Variants in WBP11 observed in about 807,000 individuals in gnomAD.
The protein encoded by WBP11 is WW domain binding protein 11, also known as WW domain-binding protein 11.
In WBP11, 12 loss-of-function variants were observed where a neutral mutation model predicts 66.7. The ratio of observed to expected loss-of-function variants is 0.18; its 90% CI spans 0.12 to 0.29. WBP11 has a LOEUF of 0.29. Among genes scored for constraint, WBP11 ranks in the 10% least tolerant of loss-of-function variants. WBP11 has a pLI of 1.00. For missense variants in WBP11, 555 were observed against 818.3 expected, an observed-to-expected ratio of 0.68 and a Z score of 3.93; for synonymous variants, 255 against 273.8, an observed-to-expected ratio of 0.93 and a Z score of 0.68.
rs1565673496 is a variant in WBP11 at position 14,794,678 on chromosome 12, G to A, written c.580C>T (p.Pro194Ser). ...PLLGHGVPRL[P>S]PGRKPPGPPP... ...GGGCCAGGAGGTTTTCTGCCAGGGG[G>A]CAAACGTGGAACACCATGTCCAAGA... is the stretch of plus-strand genomic sequence containing the variant. The change falls in exon 7 of 12, where the codon CCC (proline) becomes TCC (serine). Residue 194 changes from proline (P) to serine (S), a missense_variant. By Grantham distance (74) the Pro-to-Ser change is moderately conservative. Transcript: ENST00000261167. 4 of 1,610,646 alleles carry A rather than the reference G, an allele frequency of 2.5e-6. No homozygotes were observed. Among genetic ancestry groups the A allele is most frequent in the Non-Finnish European group, 3.4e-6 (4 of 1,178,166 alleles).
chr12:14,797,025 G>A (rs755868357), intron 4 of WBP11, 22 bp from the exon 5 acceptor site: 2 of 1,546,100 alleles, frequency 1.3e-6, no homozygotes, highest in Non-Finnish European at 8.7e-7. Flanking sequence ...AGTAGATTAT[G>A]GAATTAAATA....
At chr12:14,798,804 A>G (rs1949924168) in intron 4 of WBP11, among the ~76,000 whole-genome samples, 1 of 152,214 alleles carries the variant, frequency 6.6e-6, no homozygotes. Flanking sequence ...GCTATTTTAC[A>G]AAAGTGGCAA....
intron 8 of WBP11, 135 bp from the exon 9 acceptor site, chr12:14,791,405 C>T (rs1949820768): frequency 3.4e-6 from 2 of 584,242 alleles, no homozygotes; most frequent in Non-Finnish European, 3.0e-6. Context: ...GATAGCTATA[C>T]TAATGATACG....
At chr12:14,803,325 AGT>A (rs1565676509) in intron 1 of WBP11, 25 bp downstream of exon 1, 3 of 396,762 alleles carry the variant, frequency 7.6e-6, no homozygotes, top group African/African-American at 6.2e-5. Flanking sequence ...GGTGAGGAAG[AGT>A]AGTAAATCAA....
chr12:14,799,546 G>C lies in WBP11; in HGVS notation c.190+89C>G, dbSNP rs960857242. On this transcript the variant is annotated intron_variant, in intron 4 of 11. Coordinates refer to ENST00000261167, the MANE Select transcript of WBP11 (RefSeq NM_016312.3). ...GCATCAAATGCCATCATGCTGTTCT[G>C]TTTTACTTACGCCTATGCTGCTTCA... The C allele has an allele frequency of 7.4e-6, 9 of 1,224,384 alleles. No individual in the cohort carries two copies. The African/African-American group carries it at 1.4e-4, about 19-fold the overall frequency. The allele number at this position is 1,224,384 out of a possible 1,614,324, so 75.8% of individuals were successfully genotyped here.
chr12:14,787,959 G>A (rs986198591), intron 11 of WBP11, among the ~76,000 whole-genome samples: 4 of 152,156 alleles, frequency 2.6e-5, no homozygotes, highest in African/African-American at 7.2e-5. Flanking sequence ...TACGGAGGCC[G>A]AGCATGGTGG....
intron 8 of WBP11, 137 bp from the exon 9 acceptor site, chr12:14,791,407 A>G: frequency 1.7e-6 from 1 of 582,392 alleles, no homozygotes; most frequent in Non-Finnish European, 3.0e-6. Context: ...TAGCTATACT[A>G]ATGATACGAA....
intron 7 of WBP11, among the ~76,000 whole-genome samples, chr12:14,794,248 T>G (rs1720173708): frequency 6.6e-6 from 1 of 152,212 alleles, no homozygotes; most frequent in African/African-American, 2.4e-5. Flanking sequence ...CGCTCTAGTC[T>G]GATGACAATA....
At chr12:14,789,280 T>A in intron 10 of WBP11, 147 bp from the exon 11 acceptor site, 1 of 796,940 alleles carries the variant, frequency 1.3e-6, no homozygotes, top group Non-Finnish European at 1.9e-6. Flanking sequence ...GAAACAGAAT[T>A]CATTCAATAA....
intron 9 of WBP11, 64 bp downstream of exon 9, chr12:14,791,105 G>GT (rs1565672074): frequency 6.8e-7 from 1 of 1,470,878 alleles, no homozygotes; most frequent in East Asian, 2.3e-5. Context: ...ATGGAAAAAC[G>GT]TATGTAAAGT....
At chr12:14,803,086 T>G (rs572916131) in intron 1 of WBP11, among the ~76,000 whole-genome samples, 2 of 152,126 alleles carry the variant, frequency 1.3e-5, no homozygotes, top group Non-Finnish European at 2.9e-5. Context: ...TGACCGACCA[T>G]GACTCGAGGT....
Position 14,784,666 on chromosome 12 carries a change from G to A in WBP11, c.*2399C>T, listed in dbSNP as rs1039387188. On this transcript the variant is annotated 3_prime_UTR_variant, in exon 12 of 12. Coordinates refer to ENST00000261167, the MANE Select transcript of WBP11 (RefSeq NM_016312.3). ...AAACAGAATCTTGGATAGCATCCAG[G>A]GCTTCATGCTGATTCCATGACATGG... The A allele has an allele frequency of 2.0e-5, 3 of 152,030 alleles. No homozygotes were observed. Among genetic ancestry groups the A allele is most frequent in the East Asian group, 1.9e-4 (1 of 5,188 alleles). 9.4% of individuals were successfully genotyped at this position (152,030 alleles called of 1,614,324 possible).
At chr12:14,800,668 T>A in intron 3 of WBP11, 84 bp downstream of exon 3, 1 of 1,241,796 alleles carries the variant, frequency 8.1e-7, no homozygotes, top group Non-Finnish European at 1.2e-6. Flanking sequence ...ATATTAGAAA[T>A]GTTATTCTGA....
chr12:14,788,610 T>G (rs1005965053), intron 11 of WBP11, among the ~76,000 whole-genome samples: 4 of 152,178 alleles, frequency 2.6e-5, no homozygotes, highest in African/African-American at 9.7e-5. Context: ...ATGTCTAACC[T>G]TGACATTAGG....
In WBP11 at chr12:14,787,268, T is replaced by C. The variant is rs1476007379; in HGVS notation, c.1723A>G (p.Ile575Val). 8.7e-6 allele frequency: 14 copies of C among 1,614,196 alleles called. No homozygotes were observed. The highest frequency in any genetic ancestry group is 1.2e-5 in the Non-Finnish European group (14 of 1,180,042). The change falls in exon 12 of 12, where the codon ATT becomes GTT. Residue 575 changes from isoleucine to valine, a missense_variant. Ile to Val is a conservative substitution (Grantham distance 29). This residue lies in a region of WBP11 where 7 missense variants were observed against 28.1 expected (regional missense o/e 0.25). Transcript: ENST00000261167. Reference protein sequence around the residue: ...KPQITNPKAEITRFVPTALRV... With the variant: ...KPQITNPKAEVTRFVPTALRV... Reference sequence around the variant, plus strand: ...AGTGCAGTGGGCACAAATCGAGTAATCTCTGCCTTGGGATTAGTGATCTGT... The same window carrying C: ...AGTGCAGTGGGCACAAATCGAGTAACCTCTGCCTTGGGATTAGTGATCTGT...
In WBP11 at chr12:14,789,093, G is replaced by A. The variant is rs1441339651; in HGVS notation, c.1350C>T (p.Leu450=). Residue 450 remains leucine (L), a synonymous_variant, in exon 11 of 12, where the codon CTC becomes CTT. Coordinates refer to ENST00000261167, the MANE Select transcript of WBP11 (RefSeq NM_016312.3). ...PFLRPPGMPG[L]RGPLPRLLPP... ...GTAAAAGTCGGGGTAAGGGCCCTCG[G>A]AGTCCTGGCATTCCAGGTGGTCTCA... The A allele has an allele frequency of 6.6e-7, 1 of 1,525,408 alleles. No individual in the cohort carries two copies. Among genetic ancestry groups the A allele is most frequent in the East Asian group, 2.6e-5 (1 of 37,816 alleles). 94.5% of individuals were successfully genotyped at this position (1,525,408 alleles called of 1,614,324 possible).
rs1422806304 is a variant in WBP11 at position 14,794,612 on chromosome 12, C to T, written c.646G>A (p.Gly216Ser). The part of the protein sequence containing the change: ...PPPPQVVQMY[G>S]RKVGFALDLP... ...TCTAGGGCAAAACCCACTTTACGGC[C>T]ATACATCTGCACGACTTGAGGAGGA... The change falls in exon 7 of 12, where the codon GGC becomes AGC. Residue 216 changes from glycine (G) to serine (S), a missense_variant. This residue lies in a region of WBP11 where 220 missense variants were observed against 268.2 expected (regional missense o/e 0.82). Coordinates refer to ENST00000261167, the MANE Select transcript of WBP11 (RefSeq NM_016312.3). 3.1e-6 allele frequency: 5 copies of T among 1,613,930 alleles called. No homozygotes were observed. Among genetic ancestry groups the T allele is most frequent in the Non-Finnish European group, 4.2e-6 (5 of 1,179,998 alleles).
At chr12:14,792,398 A>G (rs996655412) in intron 8 of WBP11, among the ~76,000 whole-genome samples, 5 of 152,196 alleles carry the variant, frequency 3.3e-5, no homozygotes, top group Non-Finnish European at 2.9e-5. Context: ...ATGTGAACAG[A>G]ACTTTAGTTT....
intron 1 of WBP11, 111 bp from the exon 2 acceptor site, chr12:14,801,539 G>T: frequency 1.6e-6 from 1 of 635,676 alleles, no homozygotes. Context: ...AATTCTGTGA[G>T]ACTGTTCTTT....
Sources: allele counts gnomAD v4.1 joint callset (sites outside exome capture counted in the v4.1 genomes callset), GRCh38; gene constraint gnomAD v4.1.1; regional missense constraint gnomAD v4.1.1; transcripts MANE v1.5; gene names NCBI Gene and HGNC (gene_info 2026-07-23, HGNC 2026-07-21).